The following DNM3 variants were observed in gnomAD, a reference collection of about 807,000 sequenced individuals.
The protein encoded by DNM3 is dynamin-3.
In DNM3, 47 loss-of-function variants were observed where a neutral mutation model predicts 101.6. The ratio of observed to expected loss-of-function variants is 0.46; its 90% CI spans 0.37 to 0.59. The LOEUF is 0.59. Among genes scored for constraint, DNM3 ranks in the 20% least tolerant of loss-of-function variants. The pLI, the probability that DNM3 is intolerant of heterozygous loss-of-function variation, is 0.00. For synonymous variants in DNM3, 385 were observed against 387.9 expected, an observed-to-expected ratio of 0.99 and a Z score of 0.09; for missense variants, 849 against 1,085.7, an observed-to-expected ratio of 0.78 and a Z score of 3.06.
intron 13 of DNM3, among the ~76,000 whole-genome samples, chr1:172,119,669 A>G (rs961457232): frequency 6.6e-6 from 1 of 152,154 alleles, no homozygotes; most frequent in Non-Finnish European, 1.5e-5. Context: ...AAATTTGCAC[A>G]TCTGATCCAG....
intron 14 of DNM3, among the ~76,000 whole-genome samples, chr1:172,183,062 A>G (rs484686): frequency 0.64 from 97,046 of 151,928 alleles, 33,327 homozygotes; most frequent in African/African-American, 0.91. Context: ...AGCTAGGTAC[A>G]GAAAGGCACT....
chr1:172,117,341 CATG>C (rs1413839321), intron 13 of DNM3, among the ~76,000 whole-genome samples: 1 of 152,044 alleles, frequency 6.6e-6, no homozygotes, highest in Non-Finnish European at 1.5e-5. Flanking sequence ...ACTGTGTCTC[CATG>C]CAAATCTCAC....
intron 4 of DNM3, among the ~76,000 whole-genome samples, chr1:172,018,267 T>A (rs1017074997): frequency 2.0e-5 from 3 of 152,178 alleles, no homozygotes; most frequent in African/African-American, 7.2e-5. Context: ...GCCCTTGTTT[T>A]CTTTCCTTGT....
chr1:172,203,535 G>C (rs10489295), intron 14 of DNM3, among the ~76,000 whole-genome samples: 2,245 of 152,186 alleles, frequency 0.015, 44 homozygotes, highest in South Asian at 0.094. Flanking sequence ...CTATTTTTGA[G>C]GTTTGTAATG....
At position 172,129,485 on chromosome 1, in the gene DNM3, G is replaced by A. The variant is rs566762355; in HGVS notation, c.1546-1690G>A. Among the ~76,000 whole-genome samples, 54 of 152,214 alleles carry A rather than the reference G, an allele frequency of 3.5e-4. No individual in the cohort carries two copies. The South Asian group carries it at 5.4e-3, about 15-fold the overall frequency. On this transcript the variant is annotated intron_variant, in intron 13 of 20. Coordinates refer to ENST00000627582, the MANE Select transcript of DNM3 (RefSeq NM_015569.5). ...TCATGCTGCTGATAAAGACATACCC[G>A]AGACTGGGAAGAAAAAGAAAAAGAG... is the stretch of plus-strand genomic sequence containing the variant.
chr1:172,240,838 A>G (rs1416587989), intron 14 of DNM3, among the ~76,000 whole-genome samples: 1 of 152,130 alleles, frequency 6.6e-6, no homozygotes, highest in Non-Finnish European at 1.5e-5. Context: ...TTTAAAAAAT[A>G]TAAATTGCAA....
intron 12 of DNM3, among the ~76,000 whole-genome samples, chr1:172,090,894 A>G (rs1558553527): frequency 6.6e-6 from 1 of 152,182 alleles, no homozygotes; most frequent in East Asian, 1.9e-4. Context: ...AGACCATTTC[A>G]TTGATCTCCA....
rs183458045 is a variant in DNM3, at chr1:171,942,913, G to A, written c.235+21092G>A. On this transcript the variant is annotated intron_variant, in intron 2 of 20. Coordinates refer to ENST00000627582, the MANE Select transcript of DNM3 (RefSeq NM_015569.5). Reference sequence around the variant, plus strand: ...GACTGCTTGTGTTCAGGAGGTTTGAGACTAGCCTGGGCAACATAGTAAGAC... The same window carrying A: ...GACTGCTTGTGTTCAGGAGGTTTGAAACTAGCCTGGGCAACATAGTAAGAC... Among the ~76,000 whole-genome samples, 583 of 152,146 alleles carry A rather than the reference G, an allele frequency of 3.8e-3. 4 individuals are homozygous for A. Among genetic ancestry groups the A allele is most frequent in the Non-Finnish European group, 7.0e-3 (476 of 67,982 alleles).
At chr1:172,214,283 C>T (rs537921098) in intron 14 of DNM3, among the ~76,000 whole-genome samples, 1 of 152,150 alleles carries the variant, frequency 6.6e-6, no homozygotes, top group South Asian at 2.1e-4. Context: ...ACTTGTTTAA[C>T]TATTGCTGTT....
At chr1:172,272,524 C>A (rs2063128194) in intron 15 of DNM3, among the ~76,000 whole-genome samples, 2 of 152,054 alleles carry the variant, frequency 1.3e-5, no homozygotes, top group Non-Finnish European at 2.9e-5. Flanking sequence ...CTCCATAAAC[C>A]ATGAAATTAA....
At chr1:172,239,800 C>T (rs4998012) in intron 14 of DNM3, among the ~76,000 whole-genome samples, 82,785 of 107,546 alleles carry the variant, frequency 0.77, 29,590 homozygotes, top group Non-Finnish European at 0.79. Context: ...TTTTTTTTCT[C>T]TTTTTTTTTT....
chr1:172,352,424 C>A (rs1437073312), intron 17 of DNM3, among the ~76,000 whole-genome samples: 1 of 152,060 alleles, frequency 6.6e-6, no homozygotes, highest in South Asian at 2.1e-4. Context: ...CATTCTAGTC[C>A]TCTGTGTCAG....
chr1:172,362,407 A>G (rs1386402444), intron 17 of DNM3, among the ~76,000 whole-genome samples: 1 of 151,970 alleles, frequency 6.6e-6, no homozygotes, highest in Non-Finnish European at 1.5e-5. Flanking sequence ...CAACATGGCT[A>G]AAGGCACCAG....
intron 14 of DNM3, among the ~76,000 whole-genome samples, chr1:172,236,715 C>T (rs2061559430): frequency 1.3e-5 from 2 of 152,030 alleles, no homozygotes; most frequent in South Asian, 4.1e-4. Flanking sequence ...TCAATATTTA[C>T]ATTTACATTG....
At chr1:172,339,194 AC>A (rs1348328808) in intron 17 of DNM3, 5 of 306,938 alleles carry the variant, frequency 1.6e-5, no homozygotes, top group Non-Finnish European at 2.6e-5. Context: ...TCTACCTCTA[AC>A]TAAATTTCAT....
At chr1:172,039,458 A>G (rs985113834) in intron 7 of DNM3, among the ~76,000 whole-genome samples, 7 of 150,956 alleles carry the variant, frequency 4.6e-5, no homozygotes, top group African/African-American at 1.7e-4. Context: ...CAAAGGAAAG[A>G]GTTTTTTTTT....
intron 14 of DNM3, among the ~76,000 whole-genome samples, chr1:172,182,072 G>A (rs186893668): frequency 4.3e-4 from 65 of 151,874 alleles, no homozygotes; most frequent in Non-Finnish European, 7.8e-4. Context: ...TGGTTATAAC[G>A]AACTGGAACT....
At chr1:172,388,082 A>T (rs1359231919) in intron 19 of DNM3, among the ~76,000 whole-genome samples, 5 of 151,950 alleles carry the variant, frequency 3.3e-5, no homozygotes, top group African/African-American at 7.3e-5. Flanking sequence ...AAAAATACAA[A>T]AATTAGCTGG....
At chr1:172,176,096 A>G (rs1266081408) in intron 14 of DNM3, among the ~76,000 whole-genome samples, 22 of 151,806 alleles carry the variant, frequency 1.4e-4, no homozygotes. Context: ...ATTTGTGAAT[A>G]AGTTAAGGAT....
Sources: allele counts gnomAD v4.1 joint callset (sites outside exome capture counted in the v4.1 genomes callset), GRCh38; gene constraint gnomAD v4.1.1; transcripts MANE v1.5; gene names NCBI Gene and HGNC (gene_info 2026-07-23, HGNC 2026-07-21).